PPIP5K1: variants seen among roughly 807,000 people sequenced by gnomAD.
PPIP5K1 encodes the protein inositol hexakisphosphate and diphosphoinositol-pentakisphosphate kinase 1.
PPIP5K1 carries 6 observed loss-of-function variants against 27.7 expected under a neutral mutation model. The observed-to-expected ratio is 0.22, with a 90% CI of 0.12 to 0.43. PPIP5K1 has a LOEUF of 0.43. Among genes scored for constraint, PPIP5K1 ranks in the 20% least tolerant of loss-of-function variants. The pLI is 1.00. For missense variants in PPIP5K1, 394 were observed against 635.4 expected, an observed-to-expected ratio of 0.62 and a Z score of 4.08; for synonymous variants, 145 against 242.6, an observed-to-expected ratio of 0.60 and a Z score of 3.74.
Position 43,535,170 on chromosome 15 carries a change from T to C in PPIP5K1, c.3977A>G (p.Gln1326Arg). The C allele has an allele frequency of 1.2e-6, 2 of 1,613,576 alleles. No individual in the cohort carries two copies. The highest frequency in any genetic ancestry group is 1.7e-6 in the Non-Finnish European group (2 of 1,179,864). ...CTGGCTGAGCGCCTCAGAAATGTCC[T>C]GGCATGGCTGGCTGATGTCAGGGAC... ...QEVPDISQPCQDISEALSQPC... is the reference protein window; with the variant it reads ...QEVPDISQPCRDISEALSQPC... The change falls in exon 32 of 32, where the codon CAG (glutamine) becomes CGG (arginine). Residue 1326 changes from glutamine (Q) to arginine (R), a missense_variant. Around this residue, in one of 4 missense-constraint regions of PPIP5K1, gnomAD observed 379 missense variants for 423.9 expected, o/e 0.89. Coordinates refer to ENST00000420765, the MANE Select transcript of PPIP5K1 (RefSeq NM_001394395.1).
intron 30 of PPIP5K1, among the ~76,000 whole-genome samples, chr15:43,540,658 T>C (rs1263792802): frequency 6.7e-6 from 1 of 150,254 alleles, no homozygotes; most frequent in Non-Finnish European, 1.5e-5. Flanking sequence ...GATCGCATCA[T>C]TGCACTCCAG....
chr15:43,540,282 C>T (rs976836861), intron 30 of PPIP5K1, among the ~76,000 whole-genome samples: 2 of 151,048 alleles, frequency 1.3e-5, no homozygotes, highest in Non-Finnish European at 2.9e-5. Context: ...GATATTTTTC[C>T]AGCTGGGTGT....
chr15:43,539,627 A>G, intron 30 of PPIP5K1, 44 bp from the exon 31 acceptor site: 1 of 1,271,976 alleles, frequency 7.9e-7, no homozygotes, highest in Non-Finnish European at 1.1e-6. Context: ...AAAAAAAGAC[A>G]TATGAGGAAG....
Position 43,535,055 on chromosome 15 carries a change from G to A in PPIP5K1, c.4092C>T (p.Ser1364=). 1 of 1,613,726 alleles carries A rather than the reference G, an allele frequency of 6.2e-7. No individual in the cohort carries two copies. The highest frequency in any genetic ancestry group is 2.2e-5 in the East Asian group (1 of 44,844). ...NHTCQEVPHI[S]QPCQKSSQLC... ...GTTGGCTGGACTTCTGGCATGGCTG[G>A]CTGATGTGAGGGACCTCCTGGCATG... Residue 1364 remains serine (S), a synonymous_variant, in exon 32 of 32, where the codon AGC becomes AGT. Coordinates refer to ENST00000420765, the MANE Select transcript of PPIP5K1 (RefSeq NM_001394395.1).
At chr15:43,552,751 T>C (rs2082392995) in intron 30 of PPIP5K1, among the ~76,000 whole-genome samples, 1 of 147,160 alleles carries the variant, frequency 6.8e-6, no homozygotes. Flanking sequence ...AAATTAAAAA[T>C]AAAAAAGGAG....
Position 43,581,146 on chromosome 15 carries a change from G to A in PPIP5K1, c.940-23C>T, listed in dbSNP as rs1350401338. 7 of 1,557,982 alleles carry A rather than the reference G, an allele frequency of 4.5e-6. 1 individual carries two copies. The highest frequency in any genetic ancestry group is 8.6e-7 in the Non-Finnish European group (1 of 1,165,652). Reference sequence around the variant, plus strand: ...TTGCTGCAAGGAAAAGAAGAAAGATGAGAACAAGACAGTTACTCTTCCCGG... The same window carrying A: ...TTGCTGCAAGGAAAAGAAGAAAGATAAGAACAAGACAGTTACTCTTCCCGG... On this transcript the variant is annotated intron_variant, in intron 9 of 31. Coordinates refer to ENST00000420765, the MANE Select transcript of PPIP5K1 (RefSeq NM_001394395.1).
chr15:43,559,578 G>C (rs1477974434), intron 29 of PPIP5K1, among the ~76,000 whole-genome samples: 1 of 152,122 alleles, frequency 6.6e-6, no homozygotes. Flanking sequence ...TCACTCTTCT[G>C]ATCTACTGGA....
intron 31 of PPIP5K1, chr15:43,536,148 G>A: frequency 7.8e-7 from 1 of 1,273,922 alleles, no homozygotes; most frequent in South Asian, 1.2e-5. Context: ...GCTGGGTGCG[G>A]TGGCTCACGC....
At chr15:43,535,541 T>C in intron 31 of PPIP5K1, 65 bp from the exon 32 acceptor site, 12 of 1,289,694 alleles carry the variant, frequency 9.3e-6, no homozygotes, top group South Asian at 2.9e-5. Context: ...CCTGTGCAGA[T>C]AGTTCAAATG....
rs549116890 is a variant in PPIP5K1, at chr15:43,572,654, G to GT, written c.2673+114dup. The GT allele has an allele frequency of 1.3e-3, 904 of 671,582 alleles. 1 individual carries two copies. Among genetic ancestry groups the GT allele is most frequent in the Admixed American group, 3.6e-3 (138 of 37,830 alleles). 41.6% of individuals were successfully genotyped at this position (671,582 alleles called of 1,614,324 possible). A position where few individuals can be genotyped will look rare whatever the true frequency, so the allele number is the denominator to read the frequency against. ...CTGGATGCTCTGTGTCATGCTGTGC[G>GT]TAAGTGCCACACCTAGCTGGATTCT... is the stretch of plus-strand genomic sequence containing the variant. On this transcript the variant is annotated intron_variant, in intron 23 of 31. Transcript: ENST00000420765.
intron 30 of PPIP5K1, among the ~76,000 whole-genome samples, chr15:43,558,540 T>G (rs948272010): frequency 1.3e-5 from 2 of 152,050 alleles, no homozygotes; most frequent in Non-Finnish European, 2.9e-5. Flanking sequence ...TTTTTTTCAG[T>G]AGAGACAGGT....
At chr15:43,543,999 C>T (rs2081087248) in intron 30 of PPIP5K1, among the ~76,000 whole-genome samples, 1 of 151,854 alleles carries the variant, frequency 6.6e-6, no homozygotes, top group African/African-American at 2.4e-5. Context: ...TTTTGATATA[C>T]AGTTAGGGTC....
At chr15:43,543,747 G>C (rs943437897) in intron 30 of PPIP5K1, among the ~76,000 whole-genome samples, 1 of 150,906 alleles carries the variant, frequency 6.6e-6, no homozygotes, top group Non-Finnish European at 1.5e-5. Context: ...GAAAATCCTC[G>C]TTCCTAATAA....
intron 30 of PPIP5K1, among the ~76,000 whole-genome samples, chr15:43,544,503 T>C (rs990334533): frequency 6.6e-6 from 1 of 152,210 alleles, no homozygotes; most frequent in African/African-American, 2.4e-5. Flanking sequence ...TGTATATAAA[T>C]GTTATTTCAG....
intron 30 of PPIP5K1, among the ~76,000 whole-genome samples, chr15:43,553,056 G>T (rs984464396): frequency 1.6e-4 from 24 of 152,096 alleles, no homozygotes; most frequent in Non-Finnish European, 1.5e-5. Flanking sequence ...AAAAGAAAAA[G>T]AATATGTTGT....
At position 43,534,664 on chromosome 15, in the gene PPIP5K1, C is replaced by T; in HGVS notation, c.*10G>A. 6.6e-7 allele frequency: 1 copy of T among 1,519,582 alleles called. No individual in the cohort carries two copies. The highest frequency in any genetic ancestry group is 8.8e-7 in the Non-Finnish European group (1 of 1,137,694). 94.1% of individuals were successfully genotyped at this position (1,519,582 alleles called of 1,614,324 possible). On this transcript the variant is annotated 3_prime_UTR_variant, in exon 32 of 32. Transcript: ENST00000420765. ...AGCTGATCAATCACTTCAGGGACCA[C>T]CCAGGACTTCTAATTTATCTCCTCA...
intron 31 of PPIP5K1, among the ~76,000 whole-genome samples, chr15:43,535,911 C>T (rs919818377): frequency 3.9e-5 from 6 of 152,054 alleles, no homozygotes; most frequent in African/African-American, 7.2e-5. Flanking sequence ...ATAGGTTTAG[C>T]GTAAAGGTGT....
Position 43,558,843 on chromosome 15 carries a change from T to C in PPIP5K1, c.3508A>G (p.Ser1170Gly), listed in dbSNP as rs1254111429. The change falls in exon 30 of 32, where the codon AGT (serine) becomes GGT (glycine). Residue 1170 changes from serine to glycine, a missense_variant. Ser to Gly is a moderately conservative substitution (Grantham distance 56, BLOSUM62 0). Transcript: ENST00000420765. ...LSLRQVSEFL[S>G]RVCQRHTDAQ... Reference sequence around the variant, plus strand: ...TCAGTGTGGCGCTGGCAGACTCTACTCAAGAATTCACTCACTTGACGTAGG... The same window carrying C: ...TCAGTGTGGCGCTGGCAGACTCTACCCAAGAATTCACTCACTTGACGTAGG... The C allele has an allele frequency of 6.2e-7, 1 of 1,614,100 alleles. No individual in the cohort carries two copies. The highest frequency in any genetic ancestry group is 1.7e-5 in the Admixed American group (1 of 60,022).
intron 30 of PPIP5K1, among the ~76,000 whole-genome samples, chr15:43,549,080 T>TATACACACAC (rs1489462259): frequency 2.5e-4 from 28 of 113,130 alleles, no homozygotes; most frequent in African/African-American, 9.0e-4. Flanking sequence ...TATATATATA[T>TATACACACAC]ACATATATAT....
Sources: allele counts gnomAD v4.1 joint callset (sites outside exome capture counted in the v4.1 genomes callset), GRCh38; gene constraint gnomAD v4.1.1; regional missense constraint gnomAD v4.1.1; transcripts MANE v1.5; gene names NCBI Gene and HGNC (gene_info 2026-07-23, HGNC 2026-07-21).